The following ARHGAP10 variants were observed in gnomAD, a reference collection of about 807,000 sequenced individuals.
ARHGAP10 encodes the protein Rho GTPase activating protein 10.
In ARHGAP10, 87 loss-of-function variants were observed where a neutral mutation model predicts 108.6. The ratio of observed to expected loss-of-function variants is 0.80; its 90% CI spans 0.67 to 0.96. The LOEUF (loss-of-function observed/expected upper bound fraction) is 0.96, where lower values mean the gene tolerates loss of function less well. Ranked by LOEUF, ARHGAP10 falls within the 40% of genes least tolerant of loss-of-function variation. ARHGAP10 has a pLI of 0.00. For synonymous variants in ARHGAP10, 347 were observed against 341.1 expected (o/e 1.02, Z -0.19); for missense variants, 939 against 954.5 (o/e 0.98, Z 0.21).
chr4:147,915,412 G>A lies in ARHGAP10; in HGVS notation c.1228+2273G>A, dbSNP rs552102620. 2.6e-5 allele frequency among the ~76,000 whole-genome samples: 4 copies of A among 152,250 alleles called. No individual in the cohort carries two copies. The South Asian group carries it at 8.3e-4, about 32-fold the overall frequency. On this transcript the variant is annotated intron_variant, in intron 13 of 22. Coordinates refer to ENST00000336498, the MANE Select transcript of ARHGAP10 (RefSeq NM_024605.4). ...TCTTTTTTTCTGAGTTTCTTAAGTAGAACTTTGTGTCATTTGCATGCTTAT... is the reference window on the plus strand; with the variant it reads ...TCTTTTTTTCTGAGTTTCTTAAGTAAAACTTTGTGTCATTTGCATGCTTAT...
At chr4:148,000,152 G>A (rs529396189) in intron 18 of ARHGAP10, among the ~76,000 whole-genome samples, 3 of 151,576 alleles carry the variant, frequency 2.0e-5, no homozygotes, top group African/African-American at 7.3e-5. Flanking sequence ...TTCAATTCCT[G>A]CCTATGAGTG....
chr4:147,966,411 C>T (rs1009332994), intron 17 of ARHGAP10, among the ~76,000 whole-genome samples: 1 of 152,112 alleles, frequency 6.6e-6, no homozygotes, highest in African/African-American at 2.4e-5. Flanking sequence ...GGCATCAATT[C>T]CCAGGGGATA....
chr4:147,789,551 C>T (rs1173137330), intron 1 of ARHGAP10, among the ~76,000 whole-genome samples: 2 of 152,292 alleles, frequency 1.3e-5, no homozygotes, highest in Non-Finnish European at 1.5e-5. Context: ...TGATTACAGG[C>T]GTGAGCCACC....
chr4:147,896,493 T>C (rs1735998000), intron 10 of ARHGAP10, among the ~76,000 whole-genome samples: 1 of 152,204 alleles, frequency 6.6e-6, no homozygotes, highest in African/African-American at 2.4e-5. Context: ...CATATCTACT[T>C]GTTCCTTTCA....
At chr4:148,002,770 C>T (rs1188141849) in intron 18 of ARHGAP10, among the ~76,000 whole-genome samples, 1 of 152,156 alleles carries the variant, frequency 6.6e-6, no homozygotes, top group East Asian at 1.9e-4. Flanking sequence ...TCCTCTTTAT[C>T]ATTTTTTATT....
At chr4:147,783,143 CATTAA>C (rs1001592249) in intron 1 of ARHGAP10, among the ~76,000 whole-genome samples, 4 of 139,722 alleles carry the variant, frequency 2.9e-5, no homozygotes, top group African/African-American at 1.0e-4. Flanking sequence ...ATATAACACA[CATTAA>C]ATTATATATT....
intron 20 of ARHGAP10, among the ~76,000 whole-genome samples, chr4:148,058,440 G>A (rs1729456826): frequency 6.6e-6 from 1 of 152,188 alleles, no homozygotes; most frequent in African/African-American, 2.4e-5. Context: ...ATTGCATTCA[G>A]TGCTTATACA....
chr4:147,845,254 C>T (rs914338331), intron 3 of ARHGAP10, among the ~76,000 whole-genome samples: 1 of 152,172 alleles, frequency 6.6e-6, no homozygotes, highest in African/African-American at 2.4e-5. Flanking sequence ...ATGCATTCCT[C>T]ACTGTACTCC....
At chr4:148,036,839 T>G (rs539877113) in intron 19 of ARHGAP10, among the ~76,000 whole-genome samples, 4 of 152,208 alleles carry the variant, frequency 2.6e-5, no homozygotes, top group Non-Finnish European at 4.4e-5. Flanking sequence ...CTGTGTGTAC[T>G]GGTCATTCCA....
intron 15 of ARHGAP10, among the ~76,000 whole-genome samples, chr4:147,954,289 G>T (rs866969871): frequency 6.6e-6 from 1 of 151,924 alleles, no homozygotes; most frequent in Non-Finnish European, 1.5e-5. Context: ...AAACAGAGAG[G>T]TGTTTAACTC....
chr4:148,052,588 T>G (rs540590674), intron 20 of ARHGAP10, among the ~76,000 whole-genome samples: 1 of 152,194 alleles, frequency 6.6e-6, no homozygotes, highest in South Asian at 2.1e-4. Context: ...GATGAGCAGC[T>G]TTACTCTGTT....
At chr4:147,973,781 C>T (rs1464119498) in intron 18 of ARHGAP10, among the ~76,000 whole-genome samples, 4 of 152,130 alleles carry the variant, frequency 2.6e-5, no homozygotes, top group Non-Finnish European at 4.4e-5. Context: ...TAAGGGAGAA[C>T]ATGTAAAATT....
intron 13 of ARHGAP10, among the ~76,000 whole-genome samples, chr4:147,933,726 A>G (rs1445892279): frequency 6.6e-6 from 1 of 152,164 alleles, no homozygotes; most frequent in Admixed American, 6.5e-5. Context: ...AGTGGCCCAG[A>G]TGGATGTGTC....
rs1728846476 is a variant in ARHGAP10, at chr4:148,045,720, A to C, written c.1868-1172A>C. Among the ~76,000 whole-genome samples the C allele has an allele frequency of 2.1e-5, 3 of 141,584 alleles. No individual in the cohort carries two copies. The Admixed American group carries it at 2.2e-4, about 11-fold the overall frequency. 92.9% of individuals were successfully genotyped at this position (141,584 alleles called of 152,430 possible). A position where few individuals can be genotyped will look rare whatever the true frequency, so the allele number is the denominator to read the frequency against. Reference sequence around the variant, plus strand: ...GCCATTGCACTCCAGCCTGGGCAGCAAGAACGAAACTCCATCTCAAAAAAA... The same window carrying C: ...GCCATTGCACTCCAGCCTGGGCAGCCAGAACGAAACTCCATCTCAAAAAAA... On this transcript the variant is annotated intron_variant, in intron 19 of 22. Transcript: ENST00000336498.
chr4:148,033,666 G>T (rs538707405), intron 19 of ARHGAP10, among the ~76,000 whole-genome samples: 36 of 152,060 alleles, frequency 2.4e-4, no homozygotes, highest in Admixed American at 5.9e-4. Context: ...GCTTAACTCC[G>T]AAGCAAGCTG....
rs774919648 is a variant in ARHGAP10 at position 148,023,354 on chromosome 4, A to G, written c.1808A>G (p.Gln603Arg). 6 of 1,614,234 alleles carry G rather than the reference A, an allele frequency of 3.7e-6. No individual in the cohort carries two copies. Among genetic ancestry groups the G allele is most frequent in the Non-Finnish European group, 4.2e-6 (5 of 1,180,036 alleles). The change falls in exon 19 of 23, where the codon CAA (glutamine) becomes CGA (arginine). Residue 603 changes from glutamine (Q) to arginine (R), a missense_variant. Gln to Arg is a conservative substitution (Grantham distance 43). Coordinates refer to ENST00000336498, the MANE Select transcript of ARHGAP10 (RefSeq NM_024605.4). ...GCGCCACCAAGGCAGTCGAAGAGAC[A>G]AGGCCAGAGAACCAAGAGGCCCGTG... Reference protein sequence around the residue: ...PNAPPRQSKRQGQRTKRPVAV... With the variant: ...PNAPPRQSKRRGQRTKRPVAV...
intron 13 of ARHGAP10, among the ~76,000 whole-genome samples, chr4:147,929,242 T>C (rs1296422745): frequency 6.6e-6 from 1 of 152,160 alleles, no homozygotes. Flanking sequence ...CAGTATTTAA[T>C]GCACTGTAAG....
intron 13 of ARHGAP10, among the ~76,000 whole-genome samples, chr4:147,925,321 G>A (rs1295571856): frequency 6.6e-6 from 1 of 152,194 alleles, no homozygotes; most frequent in Non-Finnish European, 1.5e-5. Context: ...GGGCAGCAGC[G>A]AGACACAACA....
intron 20 of ARHGAP10, among the ~76,000 whole-genome samples, chr4:148,058,296 C>G (rs759492177): frequency 8.5e-5 from 13 of 152,132 alleles, no homozygotes; most frequent in Non-Finnish European, 1.3e-4. Context: ...CATTGCAGTG[C>G]AAACTTCTGA....
Sources: gnomAD v4.1 joint callset for allele counts (sites outside exome capture counted in the v4.1 genomes callset) on GRCh38, gnomAD v4.1.1 for gene constraint, MANE v1.5 for transcripts, NCBI Gene and HGNC (gene_info 2026-07-23, HGNC 2026-07-21) for gene names.